The following PPP6R2 variants were observed in gnomAD, a reference collection of about 807,000 sequenced individuals.
The protein encoded by PPP6R2 is serine/threonine-protein phosphatase 6 regulatory subunit 2.
Under a neutral mutation model 100.2 loss-of-function variants are expected in PPP6R2, and 62 were observed. The observed-to-expected ratio is 0.62, with a 90% confidence interval of 0.50 to 0.76. The LOEUF (loss-of-function observed/expected upper bound fraction) is 0.76. PPP6R2 is among the 30% of genes least tolerant of loss of function. The pLI is 0.00. For synonymous variants in PPP6R2, 525 were observed against 514.7 expected, an observed-to-expected ratio of 1.02 and a Z score of -0.27; for missense variants, 1,142 against 1,276.3, an observed-to-expected ratio of 0.89 and a Z score of 1.60.
chr22:50,381,524 T>C (rs900524717), intron 2 of PPP6R2, among the ~76,000 whole-genome samples: 1 of 151,898 alleles, frequency 6.6e-6, no homozygotes, highest in Non-Finnish European at 1.5e-5. Flanking sequence ...AACATCAGGC[T>C]TGGTGGGGCC....
chr22:50,372,018 A>T lies in PPP6R2; in HGVS notation c.-147-2A>T, dbSNP rs1196276372. On this transcript the variant is annotated splice_acceptor_variant, in intron 1 of 23. Transcript: ENST00000612753. LOFTEE classifies it low-confidence loss of function (5UTR_SPLICE). ...AGCAAGATTTTTCCTCTTATTTTTCAGGTAAAGAGATTATAAATCTTCCAC... is the reference window on the plus strand; with the variant it reads ...AGCAAGATTTTTCCTCTTATTTTTCTGGTAAAGAGATTATAAATCTTCCAC... 6.6e-6 allele frequency: 1 copy of T among 152,122 alleles called. No individual in the cohort carries two copies. The highest frequency in any genetic ancestry group is 1.5e-5 in the Non-Finnish European group (1 of 68,014). The allele number at this position is 152,122 out of a possible 1,614,324, so 9.4% of individuals were successfully genotyped here.
chr22:50,409,729 G>A (rs1337094099), intron 4 of PPP6R2, among the ~76,000 whole-genome samples: 3 of 151,902 alleles, frequency 2.0e-5, no homozygotes, highest in Admixed American at 6.6e-5. Context: ...CCCGGCCGAC[G>A]ATGATGATGA....
chr22:50,440,779 C>A, intron 21 of PPP6R2, 43 bp from the exon 22 acceptor site: 1 of 1,601,332 alleles, frequency 6.2e-7, no homozygotes, highest in Non-Finnish European at 8.5e-7. Flanking sequence ...CACCCTGTGA[C>A]CCCTCCTGCC....
intron 10 of PPP6R2, among the ~76,000 whole-genome samples, chr22:50,425,370 G>A (rs2061951282): frequency 6.6e-6 from 1 of 152,150 alleles, no homozygotes; most frequent in African/African-American, 2.4e-5. Context: ...GTGTGGGTGG[G>A]CCACATTCTG....
intron 2 of PPP6R2, among the ~76,000 whole-genome samples, chr22:50,377,434 A>G (rs1293517903): frequency 6.8e-6 from 1 of 147,860 alleles, no homozygotes; most frequent in African/African-American, 2.5e-5. Context: ...ACAGAACAAG[A>G]CCCTCTCTCA....
At chr22:50,331,623 A>G in the PPP6R2 span, among the ~76,000 whole-genome samples, 1 of 151,570 alleles carries the variant, frequency 6.6e-6, no homozygotes, top group African/African-American at 2.4e-5. Context: ...TATTTTTTTT[A>G]ACTTCTTTTT....
chr22:50,444,394 T>G lies in PPP6R2; in HGVS notation c.*147T>G, dbSNP rs2148524200. ...GGTAAAGCTGGCAGTTGAAACCAGTTGGACGGCCCAGCTTGCGTCTCTTCT... is the reference window on the plus strand; with the variant it reads ...GGTAAAGCTGGCAGTTGAAACCAGTGGGACGGCCCAGCTTGCGTCTCTTCT... On this transcript the variant is annotated 3_prime_UTR_variant, in exon 24 of 24. Transcript: ENST00000612753. 1 of 1,096,026 alleles carries G rather than the reference T, an allele frequency of 9.1e-7. No homozygotes were observed. Among genetic ancestry groups the G allele is most frequent in the African/African-American group, 1.6e-5 (1 of 62,426 alleles). The allele number at this position is 1,096,026 out of a possible 1,614,324, so 67.9% of individuals were successfully genotyped here. A position where few individuals can be genotyped will look rare whatever the true frequency, so the allele number is the denominator to read the frequency against.
intron 10 of PPP6R2, among the ~76,000 whole-genome samples, chr22:50,428,297 A>G (rs1310773152): frequency 6.6e-6 from 1 of 152,180 alleles, no homozygotes; most frequent in African/African-American, 2.4e-5. Context: ...TGGATTATTC[A>G]GTGCTAGTGT....
chr22:50,399,625 C>G (rs981659676), intron 3 of PPP6R2, among the ~76,000 whole-genome samples: 3 of 152,234 alleles, frequency 2.0e-5, no homozygotes, highest in Non-Finnish European at 4.4e-5. Context: ...AGAAGCTGCA[C>G]TTGGTTTGGG....
intron 2 of PPP6R2, among the ~76,000 whole-genome samples, chr22:50,383,248 T>C (rs983873708): frequency 6.6e-6 from 1 of 152,226 alleles, no homozygotes. Flanking sequence ...GTTGGTGTTT[T>C]TATATTGGTA....
At chr22:50,441,085 C>G in intron 22 of PPP6R2, 59 bp downstream of exon 22, 1 of 1,385,832 alleles carries the variant, frequency 7.2e-7, no homozygotes, top group Non-Finnish European at 9.7e-7. Flanking sequence ...CTTCCAGGCT[C>G]TGTCCCCAGG....
chr22:50,422,894 G>A (rs2061522188), intron 9 of PPP6R2, among the ~76,000 whole-genome samples: 1 of 152,190 alleles, frequency 6.6e-6, no homozygotes, highest in South Asian at 2.1e-4. Flanking sequence ...AGATCCACCT[G>A]TCCCACTAGC....
intron 1 of PPP6R2, among the ~76,000 whole-genome samples, chr22:50,363,489 G>A (rs893542582): frequency 6.6e-6 from 1 of 152,200 alleles, no homozygotes; most frequent in Non-Finnish European, 1.5e-5. Context: ...GCCTAGGCCT[G>A]AGTGCTTCCA....
intron 3 of PPP6R2, among the ~76,000 whole-genome samples, chr22:50,398,514 A>AC (rs2057484325): frequency 1.6e-5 from 2 of 126,822 alleles, no homozygotes; most frequent in East Asian, 4.7e-4. Flanking sequence ...ACATATTAAG[A>AC]CTTTTTTTTT....
chr22:50,341,585 A>G (rs994162217), upstream of PPP6R2, among the ~76,000 whole-genome samples: 6 of 152,182 alleles, frequency 3.9e-5, no homozygotes, highest in African/African-American at 1.4e-4. Context: ...TCCAGGATAG[A>G]AGCAGGGGGC....
chr22:50,442,007 T>C (rs1358287984), intron 22 of PPP6R2, among the ~76,000 whole-genome samples: 1 of 152,094 alleles, frequency 6.6e-6, no homozygotes, highest in African/African-American at 2.4e-5. Flanking sequence ...AGTGGGGAAG[T>C]CCTCGGGCTG....
chr22:50,356,961 A>G (rs1465052617), intron 1 of PPP6R2, among the ~76,000 whole-genome samples: 9 of 151,758 alleles, frequency 5.9e-5, no homozygotes, highest in African/African-American at 2.2e-4. Context: ...GCAAAAACAA[A>G]ACTTCCAGTT....
intron 2 of PPP6R2, among the ~76,000 whole-genome samples, chr22:50,393,003 T>G (rs1603061024): frequency 6.6e-6 from 1 of 152,258 alleles, no homozygotes; most frequent in East Asian, 1.9e-4. Context: ...CAGTAAAGTT[T>G]TAACTTTGTG....
intron 1 of PPP6R2, among the ~76,000 whole-genome samples, chr22:50,371,785 C>T (rs374959486): frequency 7.9e-5 from 12 of 152,076 alleles, no homozygotes; most frequent in South Asian, 6.2e-4. Flanking sequence ...TACAGGCATG[C>T]GCCACCACAC....
Sources: allele counts gnomAD v4.1 joint callset (sites outside exome capture counted in the v4.1 genomes callset), GRCh38; gene constraint gnomAD v4.1.1; transcripts MANE v1.5; gene names NCBI Gene and HGNC (gene_info 2026-07-23, HGNC 2026-07-21).